ZBTB20: variants seen among roughly 807,000 people sequenced by gnomAD.
ZBTB20 encodes zinc finger and BTB domain containing 20, also known as zinc finger and BTB domain-containing protein 20.
In ZBTB20, 9 loss-of-function variants were observed where a neutral mutation model predicts 56.9. The observed-to-expected ratio is 0.16, with a 90% CI of 0.10 to 0.28. The LOEUF is 0.28. Among genes scored for constraint, ZBTB20 ranks in the 10% least tolerant of loss-of-function variants. ZBTB20 has a pLI of 1.00. For synonymous variants in ZBTB20, 417 were observed against 420.7 expected, an observed-to-expected ratio of 0.99 and a Z score of 0.11; for missense variants, 655 against 1,003.0, an observed-to-expected ratio of 0.65 and a Z score of 4.69.
intron 1 of ZBTB20, among the ~76,000 whole-genome samples, chr3:115,095,133 C>T (rs2083333416): frequency 6.6e-6 from 1 of 152,026 alleles, no homozygotes; most frequent in Non-Finnish European, 1.5e-5. Flanking sequence ...ACATATTATG[C>T]TGTAATTACC....
intron 7 of ZBTB20, among the ~76,000 whole-genome samples, chr3:114,422,154 A>G (rs1169155736): frequency 2.0e-5 from 3 of 152,332 alleles, no homozygotes; most frequent in Middle Eastern, 6.8e-3. Flanking sequence ...ATGAAGAGAA[A>G]TGAAAGACTA....
chr3:114,484,009 G>A (rs2041841026), intron 7 of ZBTB20, among the ~76,000 whole-genome samples: 1 of 151,966 alleles, frequency 6.6e-6, no homozygotes, highest in South Asian at 2.1e-4. Context: ...CTTACTCTTT[G>A]CACAAATGAC....
At chr3:114,916,887 C>T (rs1316503500) in intron 3 of ZBTB20, among the ~76,000 whole-genome samples, 3 of 152,112 alleles carry the variant, frequency 2.0e-5, no homozygotes, top group Non-Finnish European at 4.4e-5. Context: ...GTTAAATCTG[C>T]TTGGTGTTCT....
chr3:114,943,022 G>C (rs2076771132), intron 3 of ZBTB20, among the ~76,000 whole-genome samples: 1 of 144,840 alleles, frequency 6.9e-6, no homozygotes, highest in Admixed American at 6.6e-5. Flanking sequence ...AATCAAAAGA[G>C]AAACAAGCAG....
intron 6 of ZBTB20, chr3:114,529,458 T>G (rs1387685396): frequency 6.6e-6 from 1 of 152,188 alleles, no homozygotes; most frequent in Non-Finnish European, 1.5e-5. Flanking sequence ...AAGCAGAAAT[T>G]TGTTCTCTCT....
intron 7 of ZBTB20, among the ~76,000 whole-genome samples, chr3:114,438,641 G>C (rs537098010): frequency 6.6e-6 from 1 of 152,230 alleles, no homozygotes; most frequent in South Asian, 2.1e-4. Flanking sequence ...ATCATTTTCA[G>C]TAAGAGAAAA....
In ZBTB20 at chr3:114,317,952, A is replaced by G. The variant is rs2078750977; in HGVS notation, c.*21053T>C. On this transcript the variant is annotated 3_prime_UTR_variant, in exon 12 of 12. Transcript: ENST00000675478. The stretch of plus-strand genomic sequence containing the variant: ...AGAGGCCTCTCTTCAGCTTTCTGTC[A>G]TTGACAGTCTCAAGATTCGGCTGCT... 1 of 152,174 alleles carries G rather than the reference A, an allele frequency of 6.6e-6. No individual in the cohort carries two copies. Among genetic ancestry groups the G allele is most frequent in the African/African-American group, 2.4e-5 (1 of 41,434 alleles). 9.4% of individuals were successfully genotyped at this position (152,174 alleles called of 1,614,324 possible).
chr3:114,760,689 G>A (rs2068372364), intron 5 of ZBTB20, among the ~76,000 whole-genome samples: 1 of 152,150 alleles, frequency 6.6e-6, no homozygotes, highest in Non-Finnish European at 1.5e-5. Context: ...AGCATCTCTA[G>A]CACTGGCACA....
intron 3 of ZBTB20, among the ~76,000 whole-genome samples, chr3:114,934,199 T>C (rs576393331): frequency 5.6e-4 from 85 of 152,300 alleles, no homozygotes; most frequent in Admixed American, 2.6e-3. Context: ...TTGTTCCTAC[T>C]GCCTAAAATG....
chr3:114,424,217 G>A (rs2089447115), intron 7 of ZBTB20, among the ~76,000 whole-genome samples: 1 of 152,174 alleles, frequency 6.6e-6, no homozygotes, highest in Non-Finnish European at 1.5e-5. Flanking sequence ...TGCAATTTAG[G>A]AGTGGAAAAG....
intron 5 of ZBTB20, among the ~76,000 whole-genome samples, chr3:114,780,894 C>T (rs9848625): frequency 0.86 from 130,815 of 152,190 alleles, 57,066 homozygotes; most frequent in East Asian, 0.98. Context: ...CAAACATATT[C>T]TGTATTACCA....
At chr3:115,083,841 G>A (rs1486857291) in intron 1 of ZBTB20, among the ~76,000 whole-genome samples, 3 of 152,012 alleles carry the variant, frequency 2.0e-5, no homozygotes. Context: ...GTAGGGAGCA[G>A]AGAGAGGGTT....
Position 114,350,257 on chromosome 3 carries a change from G to A in ZBTB20, c.1804+17C>T. 2 of 1,578,028 alleles carry A rather than the reference G, an allele frequency of 1.3e-6. No individual in the cohort carries two copies. The highest frequency in any genetic ancestry group is 1.7e-6 in the Non-Finnish European group (2 of 1,156,498). On this transcript the variant is annotated intron_variant, in intron 11 of 11. Coordinates refer to ENST00000675478, the MANE Select transcript of ZBTB20 (RefSeq NM_001348800.3). ...CTCAGCCCCTGCTGCCAGGCCTCCA[G>A]GTGGGGTGACACTCACCTGTGTGTA...
chr3:114,687,140 G>A (rs1177346303), intron 6 of ZBTB20: 1 of 151,012 alleles, frequency 6.6e-6, no homozygotes, highest in Non-Finnish European at 1.5e-5. Context: ...CAAAGGACCA[G>A]TAAATGTAAA....
At chr3:115,025,922 A>T (rs1414142661) in intron 2 of ZBTB20, among the ~76,000 whole-genome samples, 4 of 149,722 alleles carry the variant, frequency 2.7e-5, no homozygotes, top group African/African-American at 9.7e-5. Context: ...AATATTTAAA[A>T]ATACTAAATA....
At chr3:114,593,440 A>G (rs1331939419) in intron 6 of ZBTB20, among the ~76,000 whole-genome samples, 2 of 146,434 alleles carry the variant, frequency 1.4e-5, no homozygotes, top group Admixed American at 1.4e-4. Context: ...GCTGGAGTGC[A>G]ATGGCGTGAT....
intron 2 of ZBTB20, among the ~76,000 whole-genome samples, chr3:114,991,850 A>T (rs190929534): frequency 6.6e-6 from 1 of 152,054 alleles, no homozygotes; most frequent in African/African-American, 2.4e-5. Flanking sequence ...TCCCTTTACC[A>T]TCATGTAATG....
At chr3:114,443,794 T>C (rs2091085788) in intron 7 of ZBTB20, among the ~76,000 whole-genome samples, 1 of 152,338 alleles carries the variant, frequency 6.6e-6, no homozygotes, top group African/African-American at 2.4e-5. Flanking sequence ...CTTTATATAC[T>C]ACATTTCATG....
At chr3:115,098,340 A>C (rs2083453581) in intron 1 of ZBTB20, among the ~76,000 whole-genome samples, 1 of 152,194 alleles carries the variant, frequency 6.6e-6, no homozygotes, top group Non-Finnish European at 1.5e-5. Context: ...AACACAGAAA[A>C]TGACAGGTGC....
Sources: gnomAD v4.1 joint callset for allele counts (sites outside exome capture counted in the v4.1 genomes callset) on GRCh38, gnomAD v4.1.1 for gene constraint, MANE v1.5 for transcripts, NCBI Gene and HGNC (gene_info 2026-07-23, HGNC 2026-07-21) for gene names.